Variants in SULF2 observed in about 807,000 individuals in gnomAD.
SULF2 encodes sulfatase 2, also known as extracellular sulfatase Sulf-2.
Under a neutral mutation model 107.7 loss-of-function variants are expected in SULF2, and 52 were observed. The observed-to-expected ratio is 0.48, with a 90% CI of 0.39 to 0.61. SULF2 has a LOEUF of 0.61. Ranked by LOEUF, SULF2 falls within the 20% of genes least tolerant of loss-of-function variation. SULF2 has a pLI of 0.00. For missense variants in SULF2, 993 were observed against 1,177.3 expected (o/e 0.84, Z 2.29); for synonymous variants, 460 against 464.3 (o/e 0.99, Z 0.12).
At position 47,665,846 on chromosome 20, in the gene SULF2, T is replaced by C; in HGVS notation, c.1902+11A>G. The C allele has an allele frequency of 1.2e-6, 2 of 1,612,646 alleles. No individual in the cohort carries two copies. Among genetic ancestry groups the C allele is most frequent in the South Asian group, 1.1e-5 (1 of 91,052 alleles). On this transcript the variant is annotated intron_variant, in intron 13 of 20. Transcript: ENST00000688720. ...GGCCGAGAGCATGCTCCTCTCCCGC[T>C]CTCCACTCACCTCGTGGTCGATGTG... is the stretch of plus-strand genomic sequence containing the variant.
intron 17 of SULF2, among the ~76,000 whole-genome samples, 155 bp downstream of exon 17, chr20:47,662,915 C>G (rs1404265949): frequency 8.3e-6 from 1 of 119,866 alleles, no homozygotes; most frequent in Non-Finnish European, 2.1e-5. Flanking sequence ...AACACAGAAC[C>G]CCCAATCTCA....
At chr20:47,662,923 T>G (rs2087131134) in intron 17 of SULF2, 147 bp downstream of exon 17, 1 of 852,958 alleles carries the variant, frequency 1.2e-6, no homozygotes, top group African/African-American at 1.7e-5. Flanking sequence ...ACCCCCAATC[T>G]CAGCAGCTTC....
At chr20:47,785,490 C>A (rs995362699), upstream of SULF2, 5 of 158,486 alleles carry the variant, frequency 3.2e-5, no homozygotes, top group South Asian at 1.7e-4. Flanking sequence ...CTGCATCCCC[C>A]GGCGAGCGCT....
intron 17 of SULF2, among the ~76,000 whole-genome samples, chr20:47,662,644 G>A (rs558079032): frequency 6.6e-6 from 1 of 152,194 alleles, no homozygotes; most frequent in Non-Finnish European, 1.5e-5. Flanking sequence ...TGTGTGTTTA[G>A]ATGGCTTACT....
chr20:47,684,799 C>A, intron 5 of SULF2: 1 of 465,336 alleles, frequency 2.1e-6, no homozygotes, highest in Non-Finnish European at 3.8e-6. Context: ...ACTTGGGAAG[C>A]TCCTAAGAGG....
At chr20:47,757,119 G>C in intron 2 of SULF2, 70 bp downstream of exon 2, 2 of 1,392,012 alleles carry the variant, frequency 1.4e-6, no homozygotes, top group Non-Finnish European at 1.9e-6. Context: ...CCTTGCCTCA[G>C]GAGCCTCAGC....
intron 4 of SULF2, among the ~76,000 whole-genome samples, chr20:47,700,457 C>T (rs937410765): frequency 2.0e-5 from 3 of 152,064 alleles, no homozygotes; most frequent in Non-Finnish European, 2.9e-5. Context: ...GTGCAAGGGG[C>T]GCTTCTAATG....
At chr20:47,760,304 G>A (rs115879926) in intron 1 of SULF2, among the ~76,000 whole-genome samples, 2,117 of 152,254 alleles carry the variant, frequency 0.014, 44 homozygotes, top group African/African-American at 0.048. Context: ...CGGCTGGGAG[G>A]CTGCAGCATG....
Position 47,663,544 on chromosome 20 carries a change from C to T in SULF2, c.2136G>A (p.Lys712=), listed in dbSNP as rs1398265048. The T allele has an allele frequency of 1.9e-6, 3 of 1,612,896 alleles. No homozygotes were observed. The highest frequency in any genetic ancestry group is 1.3e-5 in the African/African-American group (1 of 75,052). Residue 712 remains lysine, a synonymous_variant, in exon 16 of 21, where the codon AAG becomes AAA. Transcript: ENST00000688720. ...KRKKKLRKLL[K]RLQNNDTCSM... ...TGCACGTGTCGTTGTTCTGCAGGCG[C>T]TTGAGCAGCTTGCGGAGTTTCTTCT...
At chr20:47,699,424 A>AC (rs1399848482) in intron 4 of SULF2, among the ~76,000 whole-genome samples, 3 of 151,762 alleles carry the variant, frequency 2.0e-5, no homozygotes, top group Admixed American at 6.6e-5. Context: ...ACCCCTGAGC[A>AC]CTACATAGTA....
At position 47,672,265 on chromosome 20, in the gene SULF2, G is replaced by A; in HGVS notation, c.1509C>T (p.Ala503=). 6.2e-7 allele frequency: 1 copy of A among 1,613,582 alleles called. No homozygotes were observed. Among genetic ancestry groups the A allele is most frequent in the Non-Finnish European group, 8.5e-7 (1 of 1,179,874 alleles). ...TGTAGTCCCCGCTGTCACAGGTGCAGGCCTCGCTGCCCTGCCCGTAGTACT... is the reference window on the plus strand; with the variant it reads ...TGTAGTCCCCGCTGTCACAGGTGCAAGCCTCGCTGCCCTGCCCGTAGTACT... ...VPKYYGQGSE[A]CTCDSGDYKL... Residue 503 remains alanine (A), a synonymous_variant, in exon 11 of 21, where the codon GCC becomes GCT. Transcript: ENST00000688720.
intron 18 of SULF2, among the ~76,000 whole-genome samples, chr20:47,660,996 C>T (rs1485156818): frequency 6.6e-6 from 1 of 152,154 alleles, no homozygotes; most frequent in Non-Finnish European, 1.5e-5. Flanking sequence ...ATAACTGGGC[C>T]ATCTTCGCTG....
At chr20:47,746,917 T>C (rs937989496) in intron 2 of SULF2, among the ~76,000 whole-genome samples, 1 of 149,454 alleles carries the variant, frequency 6.7e-6, no homozygotes, top group African/African-American at 2.5e-5. Flanking sequence ...CACACCAACA[T>C]GGCACACATA....
upstream of SULF2, chr20:47,785,595 C>G (rs2090917706): frequency 6.8e-6 from 1 of 146,052 alleles, no homozygotes. Flanking sequence ...AGTCCGGCTC[C>G]GCACCCCGCC....
At chr20:47,755,009 T>C in intron 2 of SULF2, among the ~76,000 whole-genome samples, 1 of 100,708 alleles carries the variant, frequency 9.9e-6, no homozygotes, top group East Asian at 2.7e-4. Flanking sequence ...GATTTTTACA[T>C]TTTTTGTTAA....
chr20:47,750,958 G>A (rs1036207352), intron 2 of SULF2, among the ~76,000 whole-genome samples: 1 of 152,122 alleles, frequency 6.6e-6, no homozygotes, highest in Admixed American at 6.5e-5. Context: ...AAATCCCAGC[G>A]ATTCTTTTCT....
intron 3 of SULF2, among the ~76,000 whole-genome samples, chr20:47,731,187 C>CTCTTTTTTTTTTTTTTTTTTTTTTTTTTT (rs1186229502): frequency 1.2e-5 from 1 of 81,182 alleles, no homozygotes; most frequent in African/African-American, 6.2e-5. Context: ...TGTATCTTCT[C>CTCTTTTTTTTTTTTTTTTTTTTTTTTTTT]TTTTTTTTTT....
In SULF2 at chr20:47,694,467, G is replaced by C; in HGVS notation, c.568-4172C>G. On this transcript the variant is annotated intron_variant, in intron 4 of 20. Transcript: ENST00000688720. The surrounding 1 kb of genome is among the most constrained non-coding windows in gnomAD (Gnocchi z 4.4). ...ACTCTGAAATTCAGACCTGTGAGCAGGAGGGTGAGATGGGTGGAGGTCCAC... is the reference window on the plus strand; with the variant it reads ...ACTCTGAAATTCAGACCTGTGAGCACGAGGGTGAGATGGGTGGAGGTCCAC... 6.6e-6 allele frequency among the ~76,000 whole-genome samples: 1 copy of C among 152,238 alleles called. No individual in the cohort carries two copies. Among genetic ancestry groups the C allele is most frequent in the East Asian group, 1.9e-4 (1 of 5,200 alleles).
intron 3 of SULF2, among the ~76,000 whole-genome samples, chr20:47,709,329 G>T (rs1226203770): frequency 6.6e-6 from 1 of 152,182 alleles, no homozygotes; most frequent in Non-Finnish European, 1.5e-5. Context: ...GCCAGGAAAG[G>T]CCATTGACAA....
Sources: allele counts gnomAD v4.1 joint callset (sites outside exome capture counted in the v4.1 genomes callset), GRCh38; gene constraint gnomAD v4.1.1; non-coding constraint Gnocchi (gnomAD v3.1); transcripts MANE v1.5; gene names NCBI Gene and HGNC (gene_info 2026-07-23, HGNC 2026-07-21).